Variants in LRP1B observed in about 807,000 individuals in gnomAD.
LRP1B encodes low-density lipoprotein receptor-related protein 1B.
LRP1B carries 217 observed loss-of-function variants against 556.6 expected under a neutral mutation model. The observed-to-expected ratio is 0.39, with a 90% CI of 0.35 to 0.44. The LOEUF (loss-of-function observed/expected upper bound fraction) is 0.44, where lower values mean the gene tolerates loss of function less well. Among genes scored for constraint, LRP1B ranks in the 20% least tolerant of loss-of-function variants. The pLI is 1.00. For missense variants in LRP1B, 5,053 were observed against 5,620.8 expected (o/e 0.90, Z 3.23); for synonymous variants, 2,047 against 1,865.8 (o/e 1.10, Z -2.50).
intron 86 of LRP1B, among the ~76,000 whole-genome samples, chr2:140,248,110 C>G (rs1681247038): frequency 6.6e-6 from 1 of 151,684 alleles, no homozygotes; most frequent in Non-Finnish European, 1.5e-5. Flanking sequence ...ATTTCAGTGT[C>G]TCTGCCAATT....
chr2:141,626,549 A>C (rs1688708481), intron 2 of LRP1B, among the ~76,000 whole-genome samples: 1 of 152,186 alleles, frequency 6.6e-6, no homozygotes, highest in African/African-American at 2.4e-5. Flanking sequence ...ACATTTACGA[A>C]AGACATATCT....
In LRP1B at chr2:141,749,494, G is replaced by A. The variant is rs548683238; in HGVS notation, c.205+60785C>T. Among the ~76,000 whole-genome samples the A allele has an allele frequency of 2.6e-5, 4 of 152,258 alleles. No individual in the cohort carries two copies. In the South Asian group the frequency reaches 8.3e-4, roughly 32 times the overall value. ...TAGTAGGTAAATAACTATAGGTCAT[G>A]TCTGAATCTAATGATAGGAATACTT... is the stretch of plus-strand genomic sequence containing the variant. On this transcript the variant is annotated intron_variant, in intron 2 of 90. Transcript: ENST00000389484.
chr2:140,670,076 GA>G (rs1685424329), intron 41 of LRP1B, among the ~76,000 whole-genome samples: 1 of 152,088 alleles, frequency 6.6e-6, no homozygotes, highest in South Asian at 2.1e-4. Flanking sequence ...ACTTCTCTAA[GA>G]ATGTTTCCCA....
At chr2:141,166,206 C>T (rs1049043790) in intron 7 of LRP1B, among the ~76,000 whole-genome samples, 1 of 151,910 alleles carries the variant, frequency 6.6e-6, no homozygotes, top group Non-Finnish European at 1.5e-5. Context: ...CTCAGATATG[C>T]CCTCTCTTTC....
At chr2:141,255,006 G>A (rs189892689) in intron 3 of LRP1B, among the ~76,000 whole-genome samples, 40 of 152,082 alleles carry the variant, frequency 2.6e-4, no homozygotes, top group African/African-American at 9.1e-4. Context: ...GCTTTTGAGA[G>A]CTTGTTTTGA....
chr2:140,792,428 A>G (rs1291616219), intron 32 of LRP1B, among the ~76,000 whole-genome samples: 4 of 152,154 alleles, frequency 2.6e-5, no homozygotes, highest in Non-Finnish European at 5.9e-5. Flanking sequence ...ATTTTTATAC[A>G]AGACACTTTT....
At position 141,597,529 on chromosome 2, in the gene LRP1B, T is replaced by C. The variant is rs141504408; in HGVS notation, c.206-116996A>G. On this transcript the variant is annotated intron_variant, in intron 2 of 90. Coordinates refer to ENST00000389484, the MANE Select transcript of LRP1B (RefSeq NM_018557.3). ...TTCCATCAGTATAGAATGTTTACAG[T>C]TCATTTTGAACAGATTTTAAATTTG... Among the ~76,000 whole-genome samples, 361 of 152,234 alleles carry C rather than the reference T, an allele frequency of 2.4e-3. 3 individuals carry two copies. Among genetic ancestry groups the C allele is most frequent in the East Asian group, 0.013 (67 of 5,174 alleles).
rs72994142 is a variant in LRP1B, at chr2:142,102,340, G to A, written c.82+28308C>T. 4.3e-3 allele frequency among the ~76,000 whole-genome samples: 649 copies of A among 151,534 alleles called. 8 individuals carry two copies. Among genetic ancestry groups the A allele is most frequent in the African/African-American group, 0.015 (626 of 41,382 alleles). On this transcript the variant is annotated intron_variant, in intron 1 of 90. Coordinates refer to ENST00000389484, the MANE Select transcript of LRP1B (RefSeq NM_018557.3). ...ACACACACACAAAAGAAAACATGAC[G>A]ATTCCTCTATTGAGTACTTCTTTGT...
rs1321048812 is a variant in LRP1B at position 140,381,866 on chromosome 2, A to AG, written c.10532-3581_10532-3580insC. The stretch of plus-strand genomic sequence containing the variant: ...AACAAAGTGAGGCTCCCTTTCAAAA[A>AG]AAAAAAAAAAAAAAAAAAAAGAGGA... On this transcript the variant is annotated intron_variant, in intron 67 of 90. Coordinates refer to ENST00000389484, the MANE Select transcript of LRP1B (RefSeq NM_018557.3). 1.3e-3 allele frequency among the ~76,000 whole-genome samples: 158 copies of AG among 123,168 alleles called. No individual in the cohort carries two copies. In the South Asian group the frequency reaches 0.017, roughly 13 times the overall value. 80.8% of individuals were successfully genotyped at this position (123,168 alleles called of 152,430 possible). A position where few individuals can be genotyped will look rare whatever the true frequency, so the allele number is the denominator to read the frequency against.
At chr2:140,863,312 T>C (rs891485176) in intron 27 of LRP1B, among the ~76,000 whole-genome samples, 5 of 152,164 alleles carry the variant, frequency 3.3e-5, no homozygotes, top group Admixed American at 2.6e-4. Context: ...TTTTAAAAAA[T>C]TGTTTCTCTC....
chr2:140,961,420 C>A (rs1696030208), intron 18 of LRP1B, among the ~76,000 whole-genome samples: 1 of 151,550 alleles, frequency 6.6e-6, no homozygotes, highest in Non-Finnish European at 1.5e-5. Flanking sequence ...TTTTCTCCTA[C>A]CACAATGAAA....
chr2:141,177,796 G>C (rs952571586), intron 7 of LRP1B, among the ~76,000 whole-genome samples: 4 of 152,054 alleles, frequency 2.6e-5, no homozygotes, highest in Non-Finnish European at 5.9e-5. Context: ...TACCTGAACA[G>C]TAAGAGAAAA....
chr2:140,962,884 G>T (rs746695668), intron 18 of LRP1B, among the ~76,000 whole-genome samples: 4 of 152,112 alleles, frequency 2.6e-5, no homozygotes, highest in Non-Finnish European at 5.9e-5. Flanking sequence ...TGCTGCTATG[G>T]CTACACAGCA....
At position 140,526,264 on chromosome 2, in the gene LRP1B, C is replaced by T. The variant is rs1337161258; in HGVS notation, c.7849G>A (p.Ala2617Thr). ...SARCNQNIDC[A>T]DASDEKNCNN... ...CAGTTCTTTTCATCTGAAGCATCTGCACAATCTATGTTCTGGTTGCATCGT... is the reference window on the plus strand; with the variant it reads ...CAGTTCTTTTCATCTGAAGCATCTGTACAATCTATGTTCTGGTTGCATCGT... Residue 2617 changes from alanine (A) to threonine (T), a missense_variant, in exon 48 of 91, where the codon GCA becomes ACA. Physicochemically the swap from Ala to Thr is moderately conservative, Grantham distance 58. This residue lies in a region of LRP1B where 3,619 missense variants were observed against 3,931.9 expected (regional missense o/e 0.92). Coordinates refer to ENST00000389484, the MANE Select transcript of LRP1B (RefSeq NM_018557.3). 1 of 1,611,878 alleles carries T rather than the reference C, an allele frequency of 6.2e-7. No homozygotes were observed. Among genetic ancestry groups the T allele is most frequent in the Non-Finnish European group, 8.5e-7 (1 of 1,178,560 alleles).
chr2:141,599,012 GA>G (rs1687624770), intron 2 of LRP1B, among the ~76,000 whole-genome samples: 2 of 99,276 alleles, frequency 2.0e-5, no homozygotes, highest in South Asian at 7.5e-4. Context: ...TAAAAAAATT[GA>G]AAAAAATTGA....
intron 2 of LRP1B, among the ~76,000 whole-genome samples, chr2:141,576,189 T>TATC (rs35529509): frequency 0.86 from 131,197 of 152,008 alleles, 56,863 homozygotes; most frequent in East Asian, 0.94. Context: ...CCCAAATACC[T>TATC]AATGATAGAC....
chr2:140,577,421 ATTTT>A (rs35836885), intron 43 of LRP1B, among the ~76,000 whole-genome samples: 1 of 144,596 alleles, frequency 6.9e-6, no homozygotes. Context: ...CCACTACTGA[ATTTT>A]TTTTTTTTTT....
At chr2:141,500,900 G>A (rs1295311684) in intron 2 of LRP1B, among the ~76,000 whole-genome samples, 3 of 151,942 alleles carry the variant, frequency 2.0e-5, no homozygotes, top group Admixed American at 2.0e-4. Context: ...TCTGACAACA[G>A]GATTCTGAGT....
At chr2:140,518,970 T>A (rs145810610) in intron 49 of LRP1B, among the ~76,000 whole-genome samples, 190 of 152,124 alleles carry the variant, frequency 1.2e-3, no homozygotes, top group Middle Eastern at 3.4e-3. Flanking sequence ...AGGACACAAA[T>A]AAATGGAAGA....
Sources: allele counts gnomAD v4.1 joint callset (sites outside exome capture counted in the v4.1 genomes callset), GRCh38; gene constraint gnomAD v4.1.1; regional missense constraint gnomAD v4.1.1; transcripts MANE v1.5; gene names NCBI Gene and HGNC (gene_info 2026-07-23, HGNC 2026-07-21).